CNOT4: variants seen among roughly 807,000 people sequenced by gnomAD.
CNOT4 encodes the protein CCR4-associated factor 4.
A neutral mutation model predicts 73.8 loss-of-function variants in CNOT4; 8 were observed. That is an observed-to-expected ratio of 0.11 (90% CI 0.06 to 0.20). CNOT4 has a LOEUF of 0.20. Ranked by LOEUF, CNOT4 falls within the 10% of genes least tolerant of loss-of-function variation. The pLI is 1.00. For synonymous variants in CNOT4, 293 were observed against 321.1 expected, an observed-to-expected ratio of 0.91 and a Z score of 0.94; for missense variants, 564 against 883.4, an observed-to-expected ratio of 0.64 and a Z score of 4.58.
At chr7:135,392,018 T>G (rs1282837788) in intron 10 of CNOT4, among the ~76,000 whole-genome samples, 2 of 152,112 alleles carry the variant, frequency 1.3e-5, no homozygotes, top group Non-Finnish European at 2.9e-5. Flanking sequence ...GTAGCTGTAT[T>G]ACTTCTCAGT....
chr7:135,461,049 G>A (rs1004662792), intron 1 of CNOT4, among the ~76,000 whole-genome samples: 1 of 152,158 alleles, frequency 6.6e-6, no homozygotes, highest in Admixed American at 6.5e-5. Flanking sequence ...TCCATGAATA[G>A]GATGGGGCCT....
chr7:135,373,645 C>T (rs113996038), intron 10 of CNOT4, among the ~76,000 whole-genome samples: 2,226 of 152,266 alleles, frequency 0.015, 57 homozygotes, highest in African/African-American at 0.051. Flanking sequence ...TGCTCGATCT[C>T]GGCTCACTGC....
intron 2 of CNOT4, among the ~76,000 whole-genome samples, chr7:135,427,566 T>C (rs1206686763): frequency 6.6e-6 from 1 of 152,244 alleles, no homozygotes; most frequent in Non-Finnish European, 1.5e-5. Context: ...GAATAATTTG[T>C]AATTTTCTTT....
chr7:135,489,214 G>A (rs80241513), intron 1 of CNOT4, among the ~76,000 whole-genome samples: 3,412 of 151,710 alleles, frequency 0.022, 127 homozygotes, highest in African/African-American at 0.071. Flanking sequence ...AGAAAAAATA[G>A]GAAGAAACAA....
At chr7:135,499,292 G>C (rs1238796221) in intron 1 of CNOT4, among the ~76,000 whole-genome samples, 1 of 151,952 alleles carries the variant, frequency 6.6e-6, no homozygotes, top group Non-Finnish European at 1.5e-5. Context: ...AGCCTAACTA[G>C]AAAAGAAAAG....
At chr7:135,402,056 C>T (rs1797029474) in intron 7 of CNOT4, among the ~76,000 whole-genome samples, 1 of 151,066 alleles carries the variant, frequency 6.6e-6, no homozygotes, top group Non-Finnish European at 1.5e-5. Flanking sequence ...TAATTTTTTC[C>T]TTTTTTTTAA....
rs114845098 is a variant in CNOT4, at chr7:135,475,482, T to G, written c.-93+34407A>C. Among the ~76,000 whole-genome samples the G allele has an allele frequency of 2.6e-3, 398 of 152,226 alleles. 1 individual carries two copies. The highest frequency in any genetic ancestry group is 9.2e-3 in the African/African-American group (383 of 41,520). ...AATTTTTAATTAAAAAAACTGAATT[T>G]GGTAGAAGTACAAAAGAAAACTAAC... On this transcript the variant is annotated intron_variant, in intron 1 of 11. Coordinates refer to ENST00000541284, the MANE Select transcript of CNOT4 (RefSeq NM_001190850.2).
intron 1 of CNOT4, among the ~76,000 whole-genome samples, chr7:135,465,709 G>C (rs749976537): frequency 6.6e-6 from 1 of 151,230 alleles, no homozygotes; most frequent in African/African-American, 2.4e-5. Context: ...GTGGGCGAAT[G>C]TAAGCATGTG....
At chr7:135,437,120 A>C (rs1799200354) in intron 2 of CNOT4, among the ~76,000 whole-genome samples, 1 of 152,216 alleles carries the variant, frequency 6.6e-6, no homozygotes, top group Admixed American at 6.5e-5. Context: ...GCTGGTGCTT[A>C]TCAAAACAAT....
chr7:135,404,832 C>G (rs934409809), intron 7 of CNOT4, among the ~76,000 whole-genome samples: 5 of 152,202 alleles, frequency 3.3e-5, no homozygotes, highest in African/African-American at 1.2e-4. Context: ...TGCCACCAAT[C>G]TGTGGCTCAG....
At chr7:135,388,560 G>C in intron 10 of CNOT4, 1 of 1,109,858 alleles carries the variant, frequency 9.0e-7, no homozygotes. Context: ...GTTAGAAATA[G>C]TATCACTCAT....
In CNOT4 at chr7:135,453,848, T is replaced by TATATATAAA. The variant is rs1800351262; in HGVS notation, c.-92-15426_-92-15425insTTTATATAT. ...ATTTTATATATATATATATATATAT[T>TATATATAAA]ATATATATAGCTGGTACAGCAGCTC... On this transcript the variant is annotated intron_variant, in intron 1 of 11. Transcript: ENST00000541284. Among the ~76,000 whole-genome samples, 50 of 116,720 alleles carry TATATATAAA rather than the reference T, an allele frequency of 4.3e-4. No individual in the cohort carries two copies. In the East Asian group the frequency reaches 4.3e-3, roughly 10 times the overall value. 76.6% of individuals were successfully genotyped at this position (116,720 alleles called of 152,430 possible).
intron 3 of CNOT4, among the ~76,000 whole-genome samples, chr7:135,418,960 G>C (rs1440574284): frequency 6.6e-6 from 1 of 152,102 alleles, no homozygotes; most frequent in Non-Finnish European, 1.5e-5. Flanking sequence ...GCTTGTGTCT[G>C]GCTTGCTAAC....
At chr7:135,468,864 T>C (rs867236406) in intron 1 of CNOT4, among the ~76,000 whole-genome samples, 1 of 152,110 alleles carries the variant, frequency 6.6e-6, no homozygotes, top group South Asian at 2.1e-4. Flanking sequence ...CTTCCTTTTT[T>C]AATATTTACC....
intron 10 of CNOT4, chr7:135,388,668 T>C: frequency 7.4e-7 from 1 of 1,355,366 alleles, no homozygotes; most frequent in Non-Finnish European, 9.6e-7. Flanking sequence ...GCTGTAGGCA[T>C]GAGGAACGTT....
chr7:135,388,270 G>C, intron 10 of CNOT4: 1 of 985,284 alleles, frequency 1.0e-6, no homozygotes, highest in Non-Finnish European at 1.2e-6. Context: ...TATAAATCTA[G>C]ACAACTAAAA....
Position 135,363,090 on chromosome 7 carries a change from C to CCGTG in CNOT4, c.1936_1937insCACG (p.Gly646AlafsTer104). The CCGTG allele has an allele frequency of 6.2e-7, 1 of 1,613,894 alleles. No individual in the cohort carries two copies. The highest frequency in any genetic ancestry group is 8.5e-7 in the Non-Finnish European group (1 of 1,179,960). On this transcript the variant is annotated frameshift_variant, in exon 12 of 12. Coordinates refer to ENST00000541284, the MANE Select transcript of CNOT4 (RefSeq NM_001190850.2). LOFTEE classifies it high-confidence loss of function. The surrounding 1 kb of genome is among the most constrained non-coding windows in gnomAD (Gnocchi z 4.3). The stretch of plus-strand genomic sequence containing the variant: ...GGTCTGTGATGGAGCAGCGCTGGGG[C>CCGTG]CGTCCATCTCTGTGAGGGCCTGAAG...
intron 1 of CNOT4, among the ~76,000 whole-genome samples, chr7:135,487,792 G>A (rs541554063): frequency 1.3e-5 from 2 of 152,286 alleles, no homozygotes; most frequent in Admixed American, 6.5e-5. Context: ...GGTGGCTTAC[G>A]CCTGTGGTCC....
At chr7:135,448,725 C>T (rs543545814) in intron 1 of CNOT4, among the ~76,000 whole-genome samples, 1 of 152,046 alleles carries the variant, frequency 6.6e-6, no homozygotes, top group Admixed American at 6.6e-5. Context: ...GGTATAATGA[C>T]AGTATCTCAG....
Sources: allele counts gnomAD v4.1 joint callset (sites outside exome capture counted in the v4.1 genomes callset), GRCh38; gene constraint gnomAD v4.1.1; non-coding constraint Gnocchi (gnomAD v3.1); transcripts MANE v1.5; gene names NCBI Gene and HGNC (gene_info 2026-07-23, HGNC 2026-07-21).